The following LDLRAD4 variants were observed in gnomAD, a reference collection of about 807,000 sequenced individuals.
The protein encoded by LDLRAD4 is low-density lipoprotein receptor class A domain-containing protein 4.
A neutral mutation model predicts 17.0 loss-of-function variants in LDLRAD4; 5 were observed. The ratio of observed to expected loss-of-function variants is 0.29; its 90% confidence interval spans 0.15 to 0.62. The LOEUF (loss-of-function observed/expected upper bound fraction) is 0.62, where lower values mean the gene tolerates loss of function less well. Ranked by LOEUF, LDLRAD4 falls within the 20% of genes least tolerant of loss-of-function variation. LDLRAD4 has a pLI of 0.84. For synonymous variants in LDLRAD4, 168 were observed against 171.8 expected, an observed-to-expected ratio of 0.98 and a Z score of 0.17; for missense variants, 340 against 424.7, an observed-to-expected ratio of 0.80 and a Z score of 1.75.
chr18:13,445,731 AG>A (rs1440339425), intron 3 of LDLRAD4, among the ~76,000 whole-genome samples: 1 of 146,334 alleles, frequency 6.8e-6, no homozygotes, highest in Non-Finnish European at 1.5e-5. Context: ...GAGAATGTGT[AG>A]GTGCATGTAT....
chr18:13,341,628 T>A (rs891964955), intron 1 of LDLRAD4, among the ~76,000 whole-genome samples: 2 of 152,090 alleles, frequency 1.3e-5, no homozygotes, highest in South Asian at 2.1e-4. Flanking sequence ...ACACTTTTTT[T>A]AAAAAAGGGA....
At chr18:13,298,495 T>C (rs1447136942) in intron 1 of LDLRAD4, among the ~76,000 whole-genome samples, 1 of 139,560 alleles carries the variant, frequency 7.2e-6, no homozygotes, top group Non-Finnish European at 1.5e-5. Flanking sequence ...CCGGGCACGG[T>C]GATGGAGCTG....
intron 3 of LDLRAD4, among the ~76,000 whole-genome samples, chr18:13,504,008 C>T (rs1172131496): frequency 6.6e-6 from 1 of 152,096 alleles, no homozygotes; most frequent in Non-Finnish European, 1.5e-5. Flanking sequence ...TCATGTAGTC[C>T]TCCTCACAGC....
chr18:13,508,063 C>CT, intron 3 of LDLRAD4, among the ~76,000 whole-genome samples: 1 of 149,232 alleles, frequency 6.7e-6, no homozygotes, highest in African/African-American at 2.6e-5. Context: ...AGCAAAACAG[C>CT]CTCATTGTTG....
intron 1 of LDLRAD4, among the ~76,000 whole-genome samples, chr18:13,374,803 CT>C (rs1416646166): frequency 1.3e-5 from 2 of 152,178 alleles, no homozygotes; most frequent in African/African-American, 4.8e-5. Context: ...TCTGCAGCAG[CT>C]TCAATTACAC....
At chr18:13,512,948 G>T (rs189430530) in intron 3 of LDLRAD4, among the ~76,000 whole-genome samples, 2 of 152,094 alleles carry the variant, frequency 1.3e-5, no homozygotes, top group Non-Finnish European at 2.9e-5. Context: ...ACTGCCTTTT[G>T]GACTTCGGAG....
intron 2 of LDLRAD4, among the ~76,000 whole-genome samples, chr18:13,399,956 CAA>C (rs1411027715): frequency 1.3e-5 from 2 of 152,280 alleles, no homozygotes; most frequent in African/African-American, 4.8e-5. Flanking sequence ...CATTTTATAA[CAA>C]AGTGGAAATA....
chr18:13,329,171 C>G (rs2081706138), intron 1 of LDLRAD4, among the ~76,000 whole-genome samples: 1 of 152,116 alleles, frequency 6.6e-6, no homozygotes, highest in African/African-American at 2.4e-5. Flanking sequence ...AGGATACATT[C>G]CCAGAAGTGA....
At chr18:13,453,990 G>C (rs2091984189) in intron 3 of LDLRAD4, among the ~76,000 whole-genome samples, 1 of 152,282 alleles carries the variant, frequency 6.6e-6, no homozygotes, top group African/African-American at 2.4e-5. Flanking sequence ...TTCCGGCGCT[G>C]CCGCCGACTG....
intron 3 of LDLRAD4, among the ~76,000 whole-genome samples, chr18:13,472,905 G>C (rs186661858): frequency 7.7e-4 from 117 of 152,290 alleles, no homozygotes; most frequent in Non-Finnish European, 1.4e-3. Flanking sequence ...TTTTGTGGTA[G>C]TGTTTATGTC....
intron 3 of LDLRAD4, among the ~76,000 whole-genome samples, chr18:13,571,067 G>A (rs1292392453): frequency 5.3e-5 from 8 of 150,810 alleles, no homozygotes; most frequent in African/African-American, 1.5e-4. Context: ...CGATCCTCCC[G>A]CCTCAGCCTC....
chr18:13,408,933 G>A (rs2088057445), intron 2 of LDLRAD4, among the ~76,000 whole-genome samples: 1 of 151,870 alleles, frequency 6.6e-6, no homozygotes, highest in Non-Finnish European at 1.5e-5. Flanking sequence ...TACTTTTTAA[G>A]CAATGGAAAT....
rs114704294 is a variant in LDLRAD4, at chr18:13,634,145, G to A, written c.337-9214G>A. Among the ~76,000 whole-genome samples the A allele has an allele frequency of 2.5e-3, 375 of 152,290 alleles. 1 individual carries two copies. The highest frequency in any genetic ancestry group is 8.9e-3 in the African/African-American group (369 of 41,564). On this transcript the variant is annotated intron_variant, in intron 4 of 5. Coordinates refer to ENST00000359446, the Ensembl canonical transcript of LDLRAD4. ...ACTGAAAGCTTTTCCTGTAAGACCG[G>A]GAACAAGACAAGGATGCCTGCTTTC...
At chr18:13,607,691 T>C (rs1284447) in intron 3 of LDLRAD4, among the ~76,000 whole-genome samples, 136,014 of 151,966 alleles carry the variant, frequency 0.9, 61,034 homozygotes, top group East Asian at 0.99. Context: ...TGAGAACATG[T>C]GGTGTTTGGT....
intron 2 of LDLRAD4, among the ~76,000 whole-genome samples, chr18:13,389,340 A>C (rs2145260761): frequency 6.6e-6 from 1 of 151,428 alleles, no homozygotes; most frequent in African/African-American, 2.4e-5. Context: ...CCTCCCCTCC[A>C]GTCAGGGGTG....
chr18:13,366,058 CAG>C (rs1450701206), intron 1 of LDLRAD4: 2 of 151,818 alleles, frequency 1.3e-5, no homozygotes. Flanking sequence ...CAGCGTGAGC[CAG>C]CACGCCCGGC....
intron 1 of LDLRAD4, among the ~76,000 whole-genome samples, chr18:13,282,793 T>G (rs977984993): frequency 6.6e-6 from 1 of 152,220 alleles, no homozygotes; most frequent in Non-Finnish European, 1.5e-5. Context: ...CATGCCCCAG[T>G]AGGGACTCTG....
intron 4 of LDLRAD4, among the ~76,000 whole-genome samples, chr18:13,627,383 A>G (rs972305573): frequency 6.6e-6 from 1 of 152,206 alleles, no homozygotes; most frequent in South Asian, 2.1e-4. Flanking sequence ...GGTGGCTGCC[A>G]TGGAGTGGGC....
intron 3 of LDLRAD4, among the ~76,000 whole-genome samples, chr18:13,477,634 G>A (rs2092976065): frequency 6.6e-6 from 1 of 152,216 alleles, no homozygotes; most frequent in African/African-American, 2.4e-5. Flanking sequence ...GTGTTTTCTA[G>A]ACCAAGCCCC....
Sources: allele counts gnomAD v4.1 joint callset (sites outside exome capture counted in the v4.1 genomes callset), GRCh38; gene constraint gnomAD v4.1.1; transcripts MANE v1.5; gene names NCBI Gene and HGNC (gene_info 2026-07-23, HGNC 2026-07-21).